Variants in CRADD observed in about 807,000 individuals in gnomAD.
CRADD encodes the protein death domain-containing protein CRADD.
A neutral mutation model predicts 15.5 loss-of-function variants in CRADD; 9 were observed. The observed-to-expected ratio is 0.58, with a 90% CI of 0.35 to 1.01. The LOEUF (loss-of-function observed/expected upper bound fraction) is 1.01. CRADD is among the 50% of genes least tolerant of loss of function. The probability of loss-of-function intolerance (pLI) is 0.02; values close to 1 mark genes in which losing one functional copy is unlikely to be tolerated. For synonymous variants in CRADD, 118 were observed against 107.6 expected, an observed-to-expected ratio of 1.10 and a Z score of -0.60; for missense variants, 227 against 250.3, an observed-to-expected ratio of 0.91 and a Z score of 0.63.
downstream of CRADD, among the ~76,000 whole-genome samples, chr12:93,854,411 A>G (rs918261417): frequency 1.3e-5 from 2 of 152,220 alleles, no homozygotes; most frequent in African/African-American, 2.4e-5. Context: ...GCAAGCCGCC[A>G]TGTGGAAACA....
chr12:93,818,481 G>T (rs191866171), intron 2 of CRADD, among the ~76,000 whole-genome samples: 1 of 152,326 alleles, frequency 6.6e-6, no homozygotes, highest in East Asian at 1.9e-4. Flanking sequence ...TGCAGGCCAG[G>T]TGACCTGTGT....
chr12:93,854,478 T>C (rs1565940564), downstream of CRADD, among the ~76,000 whole-genome samples: 1 of 152,246 alleles, frequency 6.6e-6, no homozygotes, highest in Non-Finnish European at 1.5e-5. Context: ...AAGCCAGTCA[T>C]GTGCCAGCTC....
intron 2 of CRADD, among the ~76,000 whole-genome samples, chr12:93,779,653 A>ACG (rs2136970056): frequency 6.7e-6 from 1 of 149,658 alleles, no homozygotes; most frequent in South Asian, 2.1e-4. Context: ...GCAGTGGTGC[A>ACG]ATCTCGGCCC....
At chr12:93,738,205 G>C (rs1565895743) in intron 2 of CRADD, 1 of 612,784 alleles carries the variant, frequency 1.6e-6, no homozygotes, top group African/African-American at 1.8e-5. Context: ...TGCAGGGTTA[G>C]AGGAAAAAGG....
chr12:93,883,583 C>A (rs1958517198), intron 2 of CRADD, among the ~76,000 whole-genome samples: 1 of 152,068 alleles, frequency 6.6e-6, no homozygotes, highest in Admixed American at 6.5e-5. Context: ...TTTAGAAGGC[C>A]AAGGTGGGAG....
At chr12:93,889,960 T>G (rs1267716757) in intron 2 of CRADD, among the ~76,000 whole-genome samples, 1 of 152,208 alleles carries the variant, frequency 6.6e-6, no homozygotes, top group Non-Finnish European at 1.5e-5. Flanking sequence ...AGACCTGCCC[T>G]AACAAAAGTA....
intron 2 of CRADD, among the ~76,000 whole-genome samples, chr12:93,793,401 TG>T (rs1428283353): frequency 1.3e-5 from 2 of 152,232 alleles, no homozygotes; most frequent in African/African-American, 4.8e-5. Flanking sequence ...GAAGGACCTG[TG>T]CTTTGCTGGA....
At chr12:93,842,364 A>G (rs1246929881) in intron 2 of CRADD, among the ~76,000 whole-genome samples, 1 of 152,248 alleles carries the variant, frequency 6.6e-6, no homozygotes, top group African/African-American at 2.4e-5. Flanking sequence ...TCGTTAGAAG[A>G]CATGGCTTTT....
chr12:93,794,177 TG>T (rs1460714083), intron 2 of CRADD, among the ~76,000 whole-genome samples: 2 of 152,184 alleles, frequency 1.3e-5, no homozygotes, highest in East Asian at 3.9e-4. Flanking sequence ...TTCCAACAGC[TG>T]ACCTCTAGCT....
intron 2 of CRADD, among the ~76,000 whole-genome samples, chr12:93,828,379 T>G (rs1382976758): frequency 6.6e-6 from 1 of 152,234 alleles, no homozygotes; most frequent in African/African-American, 2.4e-5. Flanking sequence ...TTTAAAGAAG[T>G]CTTTGCCTAA....
intron 2 of CRADD, among the ~76,000 whole-genome samples, chr12:93,862,843 G>A (rs777576409): frequency 2.0e-5 from 3 of 152,284 alleles, no homozygotes; most frequent in Non-Finnish European, 4.4e-5. Context: ...TTGAGGTAGA[G>A]AACACTCAAC....
chr12:93,706,053 T>TA (rs1955943870), intron 2 of CRADD, among the ~76,000 whole-genome samples: 1 of 152,234 alleles, frequency 6.6e-6, no homozygotes. Context: ...ACTTGTCTTA[T>TA]AAAAAATACA....
intron 2 of CRADD, among the ~76,000 whole-genome samples, chr12:93,760,003 C>T (rs1956932547): frequency 6.6e-6 from 1 of 152,128 alleles, no homozygotes; most frequent in Non-Finnish European, 1.5e-5. Flanking sequence ...CAAGGTCAGG[C>T]TGCTAATTGT....
chr12:93,788,696 C>T (rs1401490532), intron 2 of CRADD, among the ~76,000 whole-genome samples: 1 of 152,164 alleles, frequency 6.6e-6, no homozygotes, highest in Admixed American at 6.6e-5. Flanking sequence ...ATAGAAACAG[C>T]AATGGCATTG....
chr12:93,802,495 TGGGCCAG>T (rs59238207), intron 2 of CRADD, among the ~76,000 whole-genome samples: 85,582 of 151,076 alleles, frequency 0.57, 25,463 homozygotes, highest in East Asian at 0.82. Flanking sequence ...GGAGAATTTC[TGGGCCAG>T]GGGCCAGGCC....
At chr12:93,677,635 C>T (rs559064956) in intron 1 of CRADD, 163 bp downstream of exon 1, 1 of 152,280 alleles carries the variant, frequency 6.6e-6, no homozygotes, top group Admixed American at 6.5e-5. Flanking sequence ...CCCCTTGGTC[C>T]GCTCTTTAGT....
chr12:93,784,218 A>G (rs1185564269), intron 2 of CRADD, among the ~76,000 whole-genome samples: 1 of 152,188 alleles, frequency 6.6e-6, no homozygotes, highest in East Asian at 1.9e-4. Flanking sequence ...GCTGAATGAC[A>G]AAATTTTACT....
intron 2 of CRADD, among the ~76,000 whole-genome samples, chr12:93,751,640 G>A (rs568802198): frequency 4.6e-5 from 7 of 152,240 alleles, no homozygotes; most frequent in Admixed American, 1.3e-4. Context: ...GGAGGCAGGC[G>A]GATCACTTGA....
chr12:93,791,699 G>T (rs1336648220), intron 2 of CRADD, among the ~76,000 whole-genome samples: 1 of 152,080 alleles, frequency 6.6e-6, no homozygotes, highest in Non-Finnish European at 1.5e-5. Context: ...AGTACACGAG[G>T]TGATGGATAT....
Sources: gnomAD v4.1 joint callset for allele counts (sites outside exome capture counted in the v4.1 genomes callset) on GRCh38, gnomAD v4.1.1 for gene constraint, MANE v1.5 for transcripts, NCBI Gene and HGNC (gene_info 2026-07-23, HGNC 2026-07-21) for gene names.